Variants in DDHD1 observed in about 807,000 individuals in gnomAD.
The protein encoded by DDHD1 is phospholipase DDHD1.
DDHD1 carries 49 observed loss-of-function variants against 96.4 expected under a neutral mutation model. The ratio of observed to expected loss-of-function variants is 0.51; its 90% CI spans 0.40 to 0.64. DDHD1 has a LOEUF of 0.64. Among genes scored for constraint, DDHD1 ranks in the 30% least tolerant of loss-of-function variants. DDHD1 has a pLI of 0.00. For missense variants in DDHD1, 1,106 were observed against 1,161.2 expected (o/e 0.95, Z 0.69); for synonymous variants, 442 against 446.5 (o/e 0.99, Z 0.13).
At chr14:53,101,125 CCCTCAAA>C (rs1276957227) in intron 2 of DDHD1, among the ~76,000 whole-genome samples, 2 of 152,070 alleles carry the variant, frequency 1.3e-5, no homozygotes, top group South Asian at 4.2e-4. Flanking sequence ...GTATTTTCCT[CCCTCAAA>C]CTAATGAAGT....
intron 1 of DDHD1, among the ~76,000 whole-genome samples, chr14:53,106,012 CA>C (rs1443759363): frequency 6.6e-6 from 1 of 151,462 alleles, no homozygotes; most frequent in Non-Finnish European, 1.5e-5. Context: ...TAGAGTAACC[CA>C]AATCGACTTT....
chr14:53,074,781 T>C (rs1026006885), intron 4 of DDHD1, among the ~76,000 whole-genome samples: 5 of 152,284 alleles, frequency 3.3e-5, no homozygotes, highest in Middle Eastern at 3.4e-3. Flanking sequence ...TCTGCAGATA[T>C]TGCCTTTTTC....
At chr14:53,118,378 T>C (rs1888710190) in intron 1 of DDHD1, among the ~76,000 whole-genome samples, 2 of 152,194 alleles carry the variant, frequency 1.3e-5, no homozygotes, top group Non-Finnish European at 1.5e-5. Flanking sequence ...TAAAGGAGCA[T>C]GTTCTAACCC....
At chr14:53,094,185 A>AG (rs1042376709) in intron 2 of DDHD1, among the ~76,000 whole-genome samples, 1 of 152,164 alleles carries the variant, frequency 6.6e-6, no homozygotes, top group African/African-American at 2.4e-5. Context: ...TAAAAAAAAA[A>AG]AAGAAAAAAA....
rs1302292447 is a variant in DDHD1 at position 53,039,948 on chromosome 14, A to ATCTCAATTCTACATGTAGTCC, written c.*6799_*6819dup. On this transcript the variant is annotated 3_prime_UTR_variant, in exon 13 of 13. Coordinates refer to ENST00000673822, the MANE Select transcript of DDHD1 (RefSeq NM_001160148.2). Reference sequence around the variant, plus strand: ...TCACAGTCCATACGTACACTGTCCCATCTCAATTCTACATGTAGTCCTTAT... The same window carrying ATCTCAATTCTACATGTAGTCC: ...TCACAGTCCATACGTACACTGTCCCATCTCAATTCTACATGTAGTCCTCTCAATTCTACATGTAGTCCTTAT... 1 of 152,226 alleles carries ATCTCAATTCTACATGTAGTCC rather than the reference A, an allele frequency of 6.6e-6. No homozygotes were observed. Among genetic ancestry groups the ATCTCAATTCTACATGTAGTCC allele is most frequent in the Non-Finnish European group, 1.5e-5 (1 of 68,094 alleles). The allele number at this position is 152,226 out of a possible 1,614,324, so 9.4% of individuals were successfully genotyped here.
chr14:53,102,524 A>T (rs1019616886), intron 2 of DDHD1, among the ~76,000 whole-genome samples: 10 of 152,112 alleles, frequency 6.6e-5, no homozygotes, highest in Non-Finnish European at 1.3e-4. Context: ...TTAATTGCTA[A>T]TTTATTCAGA....
At chr14:53,087,869 C>T (rs749205085) in intron 4 of DDHD1, among the ~76,000 whole-genome samples, 1 of 152,030 alleles carries the variant, frequency 6.6e-6, no homozygotes, top group Non-Finnish European at 1.5e-5. Flanking sequence ...TCAATGAATC[C>T]AGGAGCTGGT....
chr14:53,131,081 G>A (rs1486690046), intron 1 of DDHD1, among the ~76,000 whole-genome samples: 1 of 152,080 alleles, frequency 6.6e-6, no homozygotes, highest in East Asian at 1.9e-4. Context: ...CCCAACTCTG[G>A]TGCCAGCTTG....
intron 1 of DDHD1, among the ~76,000 whole-genome samples, chr14:53,133,587 TGGACA>T (rs1890026640): frequency 6.6e-6 from 1 of 152,184 alleles, no homozygotes; most frequent in Non-Finnish European, 1.5e-5. Flanking sequence ...TAAAAAGGAC[TGGACA>T]GTACTTTTAC....
chr14:53,073,949 T>C, intron 4 of DDHD1, 102 bp from the exon 5 acceptor site: 1 of 1,027,098 alleles, frequency 9.7e-7, no homozygotes. Context: ...ACACTTCCAT[T>C]TGCTTATAGC....
intron 4 of DDHD1, among the ~76,000 whole-genome samples, chr14:53,076,287 T>C (rs992494777): frequency 6.6e-6 from 1 of 152,118 alleles, no homozygotes; most frequent in African/African-American, 2.4e-5. Context: ...AAGAAATGGA[T>C]TCCAACCCTC....
At chr14:53,061,958 TG>T (rs1883599297) in intron 7 of DDHD1, among the ~76,000 whole-genome samples, 1 of 139,412 alleles carries the variant, frequency 7.2e-6, no homozygotes, top group Non-Finnish European at 1.5e-5. Context: ...CACTTGAACC[TG>T]GAAGACAAGA....
chr14:53,105,563 G>GAA (rs1887625968), intron 1 of DDHD1, among the ~76,000 whole-genome samples: 1 of 152,056 alleles, frequency 6.6e-6, no homozygotes, highest in South Asian at 2.1e-4. Context: ...ATACTGAATA[G>GAA]TTTTTGCCTG....
chr14:53,106,333 T>A (rs1321979968), intron 1 of DDHD1, among the ~76,000 whole-genome samples: 7 of 152,126 alleles, frequency 4.6e-5, no homozygotes, highest in African/African-American at 1.4e-4. Flanking sequence ...TTTGAGTTTT[T>A]AAAAATGGTG....
At position 53,098,441 on chromosome 14, in the gene DDHD1, AAACT is replaced by A. The variant is rs146433275; in HGVS notation, c.1013-5001_1013-4998del. ...TGACATACTAATTCCTACAACAGAA[AAACT>A]AACTTTTCCCTTTAGAAAAGCTGGC... On this transcript the variant is annotated intron_variant, in intron 2 of 12. Transcript: ENST00000673822. Among the ~76,000 whole-genome samples the A allele has an allele frequency of 5.7e-3, 871 of 152,172 alleles. 7 individuals are homozygous for A. Among genetic ancestry groups the A allele is most frequent in the African/African-American group, 0.02 (840 of 41,552 alleles).
At chr14:53,097,516 A>C (rs773476596) in intron 2 of DDHD1, among the ~76,000 whole-genome samples, 4 of 152,014 alleles carry the variant, frequency 2.6e-5, no homozygotes, top group Non-Finnish European at 5.9e-5. Context: ...ACTGAGGAGC[A>C]GATGTACCAC....
At chr14:53,093,616 G>A in intron 2 of DDHD1, 172 bp from the exon 3 acceptor site, 2 of 706,006 alleles carry the variant, frequency 2.8e-6, no homozygotes, top group Non-Finnish European at 4.3e-6. Context: ...AGCAAGTAAT[G>A]GATAGGGACT....
chr14:53,150,994 G>A (rs1406087899), intron 1 of DDHD1, among the ~76,000 whole-genome samples: 1 of 152,096 alleles, frequency 6.6e-6, no homozygotes, highest in Admixed American at 6.5e-5. Context: ...TAAATTTCCT[G>A]CTATTATTTT....
intron 9 of DDHD1, among the ~76,000 whole-genome samples, chr14:53,058,117 C>A (rs1206038378): frequency 6.6e-6 from 1 of 152,146 alleles, no homozygotes; most frequent in African/African-American, 2.4e-5. Flanking sequence ...GGATTACAGG[C>A]ATGAGCACCA....
Sources: gnomAD v4.1 joint callset for allele counts (sites outside exome capture counted in the v4.1 genomes callset) on GRCh38, gnomAD v4.1.1 for gene constraint, MANE v1.5 for transcripts, NCBI Gene and HGNC (gene_info 2026-07-23, HGNC 2026-07-21) for gene names.